TRABD2B: variants seen among roughly 807,000 people sequenced by gnomAD.
TRABD2B encodes the protein TraB domain containing 2B.
TRABD2B carries 14 observed loss-of-function variants against 40.1 expected under a neutral mutation model. The ratio of observed to expected loss-of-function variants is 0.35; its 90% CI spans 0.23 to 0.55. The LOEUF (loss-of-function observed/expected upper bound fraction) is 0.55, where lower values mean the gene tolerates loss of function less well. Among genes scored for constraint, TRABD2B ranks in the 20% least tolerant of loss-of-function variants. The pLI, the probability that TRABD2B is intolerant of heterozygous loss-of-function variation, is 0.90. For missense variants in TRABD2B, 541 were observed against 648.6 expected, an observed-to-expected ratio of 0.83 and a Z score of 1.80; for synonymous variants, 263 against 277.0, an observed-to-expected ratio of 0.95 and a Z score of 0.50.
At chr1:47,978,876 C>T (rs937141461) in intron 2 of TRABD2B, among the ~76,000 whole-genome samples, 6 of 152,144 alleles carry the variant, frequency 3.9e-5, no homozygotes, top group East Asian at 1.9e-4. Context: ...AGCTCTGATC[C>T]GTGCTCTGGG....
At chr1:47,863,394 A>ATAT (rs1396681662) in intron 2 of TRABD2B, among the ~76,000 whole-genome samples, 4 of 130,774 alleles carry the variant, frequency 3.1e-5, no homozygotes, top group Non-Finnish European at 4.9e-5. Flanking sequence ...ATATATATAT[A>ATAT]ATCTCTTAAA....
chr1:47,820,942 A>T (rs1389477933), intron 2 of TRABD2B, among the ~76,000 whole-genome samples: 1 of 152,200 alleles, frequency 6.6e-6, no homozygotes, highest in Non-Finnish European at 1.5e-5. Flanking sequence ...AGTAGCAGGA[A>T]GTTCTGACCT....
At chr1:47,836,820 A>C (rs1645325580) in intron 2 of TRABD2B, among the ~76,000 whole-genome samples, 1 of 152,196 alleles carries the variant, frequency 6.6e-6, no homozygotes, top group Non-Finnish European at 1.5e-5. Flanking sequence ...ACACAGCTAG[A>C]AGACTGCCTT....
intron 2 of TRABD2B, among the ~76,000 whole-genome samples, chr1:47,864,120 A>T (rs1644018833): frequency 6.6e-6 from 1 of 152,176 alleles, no homozygotes. Context: ...TAATAGGTGG[A>T]GCATAGATAA....
At chr1:47,935,437 A>G (rs1450941722) in intron 2 of TRABD2B, among the ~76,000 whole-genome samples, 2 of 152,348 alleles carry the variant, frequency 1.3e-5, no homozygotes, top group Admixed American at 6.5e-5. Context: ...GCTTCATTAA[A>G]ATAGAGCTTC....
rs1644551281 is a variant in TRABD2B at position 47,783,308 on chromosome 1, G to T, written c.989-4764C>A. ...GAAAGAGACAAGGACAGGACAAAGA[G>T]ATACAAAGACACAGAGACAGAGAGG... On this transcript the variant is annotated intron_variant, in intron 4 of 6. Transcript: ENST00000606738. Among the ~76,000 whole-genome samples the T allele has an allele frequency of 2.0e-5, 3 of 151,914 alleles. No individual in the cohort carries two copies. The South Asian group carries it at 6.3e-4, about 32-fold the overall frequency.
intron 2 of TRABD2B, among the ~76,000 whole-genome samples, chr1:47,875,277 C>T (rs72894275): frequency 0.039 from 5,926 of 151,346 alleles, 403 homozygotes; most frequent in African/African-American, 0.14. Context: ...AATTTCCTAC[C>T]ACAATAGGAG....
At position 47,862,434 on chromosome 1, in the gene TRABD2B, T is replaced by C. The variant is rs145865134; in HGVS notation, c.667-60815A>G. Among the ~76,000 whole-genome samples, 182 of 152,254 alleles carry C rather than the reference T, an allele frequency of 1.2e-3. 1 individual carries two copies. Among genetic ancestry groups the C allele is most frequent in the Non-Finnish European group, 2.3e-3 (155 of 68,004 alleles). Reference sequence around the variant, plus strand: ...CACAAAAGTCAGTATATTTCCTATTTACCAGCAATAATGATGATGAACAAG... The same window carrying C: ...CACAAAAGTCAGTATATTTCCTATTCACCAGCAATAATGATGATGAACAAG... On this transcript the variant is annotated intron_variant, in intron 2 of 6. Coordinates refer to ENST00000606738, the MANE Select transcript of TRABD2B (RefSeq NM_001194986.2).
intron 6 of TRABD2B, among the ~76,000 whole-genome samples, chr1:47,766,825 G>A (rs1314798753): frequency 1.3e-5 from 2 of 152,188 alleles, no homozygotes; most frequent in Non-Finnish European, 2.9e-5. Context: ...AGTGAGAGGT[G>A]CAGTCTTTCA....
intron 2 of TRABD2B, among the ~76,000 whole-genome samples, chr1:47,808,848 G>C (rs2124332631): frequency 6.6e-6 from 1 of 152,318 alleles, no homozygotes; most frequent in Admixed American, 6.5e-5. Context: ...GACAAGAAGA[G>C]ACAAGTAGGG....
In TRABD2B at chr1:47,763,580, T is replaced by C. The variant is rs1454739251; in HGVS notation, c.*2322A>G. 2.0e-5 allele frequency: 3 copies of C among 152,256 alleles called. No homozygotes were observed. Among genetic ancestry groups the C allele is most frequent in the Non-Finnish European group, 4.4e-5 (3 of 68,062 alleles). 9.4% of individuals were successfully genotyped at this position (152,256 alleles called of 1,614,324 possible). A position where few individuals can be genotyped will look rare whatever the true frequency, so the allele number is the denominator to read the frequency against. On this transcript the variant is annotated 3_prime_UTR_variant, in exon 7 of 7. Transcript: ENST00000606738. ...CTCTAATACAGAGCCTGGCATTGCA[T>C]GTGCTCAGTAATTACAAGCTGCATT... is the stretch of plus-strand genomic sequence containing the variant.
rs546995787 is a variant in TRABD2B, at chr1:47,775,208, C to A, written c.1311G>T (p.Pro437=). 5.6e-6 allele frequency: 7 copies of A among 1,240,416 alleles called. No individual in the cohort carries two copies. In the South Asian group the frequency reaches 2.6e-4, roughly 46 times the overall value. 76.8% of individuals were successfully genotyped at this position (1,240,416 alleles called of 1,614,324 possible). Residue 437 remains proline, a synonymous_variant, in exon 6 of 7, where the codon CCG becomes CCT. Coordinates refer to ENST00000606738, the MANE Select transcript of TRABD2B (RefSeq NM_001194986.2). ...GGACCCAGAGGTCATTGAACTGCCGCGGCCGCTGGTGTGTGCTCTGCCTCT... is the reference window on the plus strand; with the variant it reads ...GGACCCAGAGGTCATTGAACTGCCGAGGCCGCTGGTGTGTGCTCTGCCTCT... ...WHKRQSTHQR[P]RQFNDLWVRI...
intron 2 of TRABD2B, among the ~76,000 whole-genome samples, chr1:47,902,498 G>A (rs1298683060): frequency 2.0e-5 from 3 of 152,142 alleles, no homozygotes; most frequent in Admixed American, 1.3e-4. Flanking sequence ...TCCTGTGGAT[G>A]GAAATTCTTT....
At chr1:47,773,648 C>T (rs1414076136) in intron 6 of TRABD2B, among the ~76,000 whole-genome samples, 2 of 152,374 alleles carry the variant, frequency 1.3e-5, no homozygotes, top group East Asian at 3.9e-4. Flanking sequence ...TCCTTGCCTT[C>T]TTTCATGATT....
chr1:47,882,826 G>GT (rs1644323546), intron 2 of TRABD2B, among the ~76,000 whole-genome samples: 1 of 152,052 alleles, frequency 6.6e-6, no homozygotes, highest in Non-Finnish European at 1.5e-5. Flanking sequence ...AACGAGGAAG[G>GT]TAACAGTGAG....
chr1:47,976,667 A>G (rs932469639), intron 2 of TRABD2B, among the ~76,000 whole-genome samples: 4 of 152,188 alleles, frequency 2.6e-5, no homozygotes, highest in African/African-American at 4.8e-5. Context: ...GCAATTTCAA[A>G]TAGGGTGGTC....
At chr1:47,959,524 G>A (rs553652851) in intron 2 of TRABD2B, among the ~76,000 whole-genome samples, 16 of 152,218 alleles carry the variant, frequency 1.1e-4, no homozygotes, top group African/African-American at 3.9e-4. Flanking sequence ...ATGATAAAGG[G>A]ATATCACCAC....
chr1:47,930,237 A>G (rs945570479), intron 2 of TRABD2B, among the ~76,000 whole-genome samples: 2 of 152,226 alleles, frequency 1.3e-5, no homozygotes, highest in African/African-American at 4.8e-5. Flanking sequence ...GAGAAGAGAA[A>G]GACCAGGAGG....
At chr1:47,962,294 G>A (rs189304572) in intron 2 of TRABD2B, among the ~76,000 whole-genome samples, 7 of 152,196 alleles carry the variant, frequency 4.6e-5, no homozygotes, top group East Asian at 1.9e-4. Context: ...GCACAACAAC[G>A]TGGTACATGT....
Sources: allele counts gnomAD v4.1 joint callset (sites outside exome capture counted in the v4.1 genomes callset), GRCh38; gene constraint gnomAD v4.1.1; transcripts MANE v1.5; gene names NCBI Gene and HGNC (gene_info 2026-07-23, HGNC 2026-07-21).